Variants in AKAP13 observed in about 807,000 individuals in gnomAD.
The protein encoded by AKAP13 is A-kinase anchor protein 13.
AKAP13 carries 80 observed loss-of-function variants against 264.5 expected under a neutral mutation model. That is an observed-to-expected ratio of 0.30 (90% confidence interval 0.25 to 0.36). The LOEUF (loss-of-function observed/expected upper bound fraction) is 0.36. Among genes scored for constraint, AKAP13 ranks in the 10% least tolerant of loss-of-function variants. The pLI is 1.00. For missense variants in AKAP13, 3,712 were observed against 3,435.2 expected (o/e 1.08, Z -2.01); for synonymous variants, 1,380 against 1,250.2 (o/e 1.10, Z -2.19).
rs375544509 is a variant in AKAP13, at chr15:85,491,497, T to TATA, written c.33+5744_33+5745insATA. 1.0e-4 allele frequency among the ~76,000 whole-genome samples: 14 copies of TATA among 140,692 alleles called. No homozygotes were observed. In the Admixed American group the frequency reaches 1.0e-3, roughly 10 times the overall value. The allele number at this position is 140,692 out of a possible 152,430, so 92.3% of individuals were successfully genotyped here. A position where few individuals can be genotyped will look rare whatever the true frequency, so the allele number is the denominator to read the frequency against. Reference sequence around the variant, plus strand: ...GGAATATGTATATATTTATATATATTTATTATATATTATATATTATATATA... The same window carrying TATA: ...GGAATATGTATATATTTATATATATTATATATTATATATTATATATTATATATA... On this transcript the variant is annotated intron_variant, in intron 2 of 36. Transcript: ENST00000394518.
At chr15:85,546,929 A>G (rs967664961) in intron 5 of AKAP13, among the ~76,000 whole-genome samples, 2 of 151,988 alleles carry the variant, frequency 1.3e-5, no homozygotes, top group African/African-American at 4.8e-5. Flanking sequence ...TTTTTAGTAG[A>G]GACGGGGTTT....
In AKAP13 at chr15:85,727,371, G is replaced by A; in HGVS notation, c.7005-10G>A. ...GAATTTTTTGTTCTGTCTTGTTTGGGTTGTATTAGGAACAGAGATGAAGAT... is the reference window on the plus strand; with the variant it reads ...GAATTTTTTGTTCTGTCTTGTTTGGATTGTATTAGGAACAGAGATGAAGAT... On this transcript the variant is annotated splice_polypyrimidine_tract_variant and intron_variant, in intron 28 of 36. Transcript: ENST00000394518. This position sits in a 1 kb window ranked among gnomAD's most constrained non-coding sequence, Gnocchi z 5.3. The A allele has an allele frequency of 1.9e-6, 3 of 1,614,168 alleles. No homozygotes were observed. Among genetic ancestry groups the A allele is most frequent in the Non-Finnish European group, 2.5e-6 (3 of 1,180,026 alleles).
chr15:85,533,870 G>T lies in AKAP13; in HGVS notation c.468G>T (p.Gln156His). 1 of 1,575,144 alleles carries T rather than the reference G, an allele frequency of 6.3e-7. No homozygotes were observed. Among genetic ancestry groups the T allele is most frequent in the Non-Finnish European group, 8.6e-7 (1 of 1,161,488 alleles). ...AGTGGAATGTATTGGGGACAGATCAGAGTTTGCATGGTGAGAATTTATATG... is the reference window on the plus strand; with the variant it reads ...AGTGGAATGTATTGGGGACAGATCATAGTTTGCATGGTGAGAATTTATATG... ...PTEWNVLGTD[Q>H]SLHDAGPRET... is the part of the protein sequence containing the mutation. Residue 156 changes from glutamine to histidine, a missense_variant, in exon 4 of 37, where the codon CAG becomes CAT. Coordinates refer to ENST00000394518, the MANE Select transcript of AKAP13 (RefSeq NM_007200.5).
chr15:85,722,556 T>C lies in AKAP13; in HGVS notation c.6496+209T>C, dbSNP rs1313049222. Reference sequence around the variant, plus strand: ...GATAGCAAGAAGGAAAGGGAACACATTGATTCCATCCAGAGTTCAATGACC... The same window carrying C: ...GATAGCAAGAAGGAAAGGGAACACACTGATTCCATCCAGAGTTCAATGACC... On this transcript the variant is annotated intron_variant, in intron 25 of 36. Coordinates refer to ENST00000394518, the MANE Select transcript of AKAP13 (RefSeq NM_007200.5). 2.1e-4 allele frequency among the ~76,000 whole-genome samples: 32 copies of C among 152,246 alleles called. 1 individual carries two copies. Among genetic ancestry groups the C allele is most frequent in the Admixed American group, 1.9e-3 (29 of 15,284 alleles).
intron 16 of AKAP13, among the ~76,000 whole-genome samples, chr15:85,690,517 A>G (rs1236707222): frequency 6.6e-6 from 1 of 152,232 alleles, no homozygotes; most frequent in Non-Finnish European, 1.5e-5. Context: ...TGTAAAGTGA[A>G]GGAGTTTTTC....
chr15:85,604,449 AGCTGCT>A (rs938372790), intron 8 of AKAP13, among the ~76,000 whole-genome samples: 3 of 151,516 alleles, frequency 2.0e-5, no homozygotes, highest in African/African-American at 4.8e-5. Context: ...ACCAATCAAA[AGCTGCT>A]GCTGCTGCTG....
chr15:85,744,959 T>C lies in AKAP13; in HGVS notation c.*282T>C, dbSNP rs956895204. 5.8e-6 allele frequency: 2 copies of C among 344,696 alleles called. No individual in the cohort carries two copies. The highest frequency in any genetic ancestry group is 8.7e-5 in the Admixed American group (2 of 23,044). The allele number at this position is 344,696 out of a possible 1,614,324, so 21.4% of individuals were successfully genotyped here. ...ACACTGAAAGTAATGGCCTCGTAAGTACAGGTGATGGTTTTGGACACGTCA... is the reference window on the plus strand; with the variant it reads ...ACACTGAAAGTAATGGCCTCGTAAGCACAGGTGATGGTTTTGGACACGTCA... On this transcript the variant is annotated 3_prime_UTR_variant, in exon 37 of 37. Transcript: ENST00000394518.
chr15:85,423,755 C>A (rs778942891), intron 1 of AKAP13, among the ~76,000 whole-genome samples: 11 of 152,226 alleles, frequency 7.2e-5, no homozygotes, highest in Admixed American at 1.3e-4. Context: ...TGCCCAGATT[C>A]ATCAGAGGAT....
chr15:85,552,627 C>A (rs1025468680), intron 5 of AKAP13, among the ~76,000 whole-genome samples: 4 of 82,956 alleles, frequency 4.8e-5, no homozygotes, highest in Admixed American at 2.6e-4. Context: ...GTTTTTTTGG[C>A]CTTTTTTTTT....
intron 1 of AKAP13, among the ~76,000 whole-genome samples, chr15:85,456,347 T>C (rs2074277247): frequency 6.6e-6 from 1 of 152,210 alleles, no homozygotes; most frequent in African/African-American, 2.4e-5. Flanking sequence ...GAAATGAAAA[T>C]CAATCCTGAC....
intron 1 of AKAP13, among the ~76,000 whole-genome samples, chr15:85,418,002 T>C (rs2072320386): frequency 1.3e-5 from 2 of 151,340 alleles, no homozygotes; most frequent in South Asian, 4.2e-4. Context: ...ATTATAAAAT[T>C]GAGATATTTT....
At chr15:85,613,713 T>TATATGTATG (rs1254657975) in intron 8 of AKAP13, among the ~76,000 whole-genome samples, 1 of 111,018 alleles carries the variant, frequency 9.0e-6, no homozygotes, top group African/African-American at 3.4e-5. Context: ...TATATATATA[T>TATATGTATG]TAGGAGTGCT....
intron 13 of AKAP13, among the ~76,000 whole-genome samples, chr15:85,666,052 C>T (rs1265716058): frequency 2.0e-5 from 3 of 152,212 alleles, no homozygotes; most frequent in East Asian, 1.9e-4. Flanking sequence ...GTAATGGGAT[C>T]GTTGGGTCAA....
In AKAP13 at chr15:85,620,105, A is replaced by G. The variant is rs562375295; in HGVS notation, c.4162-19269A>G. On this transcript the variant is annotated intron_variant, in intron 8 of 36. Transcript: ENST00000394518. ...CATTTGGGCAAAATGTATGAACGGC[A>G]CAAGAGGCGCTACAGCCTCTGTGAC... 9,265 of 1,536,066 alleles carry G rather than the reference A, an allele frequency of 6.0e-3. 31 individuals carry two copies. Among genetic ancestry groups the G allele is most frequent in the Non-Finnish European group, 6.8e-3 (7,828 of 1,146,862 alleles).
intron 11 of AKAP13, among the ~76,000 whole-genome samples, chr15:85,657,727 T>TTTTA (rs1233389541): frequency 6.6e-6 from 1 of 151,646 alleles, no homozygotes; most frequent in East Asian, 1.9e-4. Context: ...TTTTTTTTTT[T>TTTTA]TTAAGCATTC....
chr15:85,398,634 C>T (rs1448654762), intron 1 of AKAP13, among the ~76,000 whole-genome samples: 1 of 152,166 alleles, frequency 6.6e-6, no homozygotes, highest in Non-Finnish European at 1.5e-5. Flanking sequence ...CTACTCAGTG[C>T]AACCTCTGCC....
At position 85,745,005 on chromosome 15, in the gene AKAP13, G is replaced by A. The variant is rs1199605358; in HGVS notation, c.*328G>A. ...CGTCAGGAATTCCTAAAGGCTGAAA[G>A]AGTGTATCCAAGTAAGGTCTGAACC... On this transcript the variant is annotated 3_prime_UTR_variant, in exon 37 of 37. Coordinates refer to ENST00000394518, the MANE Select transcript of AKAP13 (RefSeq NM_007200.5). 3 of 240,424 alleles carry A rather than the reference G, an allele frequency of 1.2e-5. No homozygotes were observed. The highest frequency in any genetic ancestry group is 2.4e-5 in the Non-Finnish European group (3 of 124,028). The allele number at this position is 240,424 out of a possible 1,614,324, so 14.9% of individuals were successfully genotyped here.
At chr15:85,531,247 C>A (rs1481903635) in intron 3 of AKAP13, among the ~76,000 whole-genome samples, 1 of 152,216 alleles carries the variant, frequency 6.6e-6, no homozygotes, top group Non-Finnish European at 1.5e-5. Flanking sequence ...CCAGATTGCA[C>A]TGTATTTAGA....
In AKAP13 at chr15:85,581,780, G is replaced by A. The variant is rs746281041; in HGVS notation, c.3712G>A (p.Asp1238Asn). 1.1e-5 allele frequency: 17 copies of A among 1,614,162 alleles called. No homozygotes were observed. In the East Asian group the frequency reaches 3.1e-4, roughly 30 times the overall value. The change falls in exon 7 of 37, where the codon GAC becomes AAC. Residue 1238 changes from aspartate (D) to asparagine (N), a missense_variant. Asp to Asn is a conservative substitution (Grantham distance 23). Around this residue, in one of 3 missense-constraint regions of AKAP13, gnomAD observed 2,759 missense variants for 2,411.7 expected, o/e 1.14. Transcript: ENST00000394518. ...PSLPCMVSAQ[D>N]APLPKGADLI... The stretch of plus-strand genomic sequence containing the variant: ...TCTACCTTGCATGGTCTCTGCCCAG[G>A]ACGCACCTCTGCCTAAGGGGGCAGA...
Sources: allele counts gnomAD v4.1 joint callset (sites outside exome capture counted in the v4.1 genomes callset), GRCh38; gene constraint gnomAD v4.1.1; regional missense constraint gnomAD v4.1.1; non-coding constraint Gnocchi (gnomAD v3.1); transcripts MANE v1.5; gene names NCBI Gene and HGNC (gene_info 2026-07-23, HGNC 2026-07-21).